PITPNM3: variants seen among roughly 807,000 people sequenced by gnomAD.
PITPNM3 encodes PITPNM family member 3, also known as membrane-associated phosphatidylinositol transfer protein 3.
A neutral mutation model predicts 102.0 loss-of-function variants in PITPNM3; 26 were observed. The observed-to-expected ratio is 0.25, with a 90% CI of 0.19 to 0.35. PITPNM3 has a LOEUF of 0.35. Ranked by LOEUF, PITPNM3 falls within the 10% of genes least tolerant of loss-of-function variation. PITPNM3 has a pLI of 1.00. For synonymous variants in PITPNM3, 578 were observed against 558.6 expected (o/e 1.03, Z -0.49); for missense variants, 1,083 against 1,346.1 (o/e 0.80, Z 3.06).
At position 6,477,198 on chromosome 17, in the gene PITPNM3, C is replaced by A. The variant is rs1905357036; in HGVS notation, c.916G>T (p.Val306Leu). The A allele has an allele frequency of 1.2e-6, 2 of 1,614,016 alleles. No individual in the cohort carries two copies. The highest frequency in any genetic ancestry group is 2.7e-5 in the African/African-American group (2 of 74,926). ...ISSTQDTPVA[V>L]EEDCSLASSK... ...CTGGCCAGGCTGCAATCTTCCTCCACCGCGACTGGGGTGTCCTTTGGGACC... is the reference window on the plus strand; with the variant it reads ...CTGGCCAGGCTGCAATCTTCCTCCAACGCGACTGGGGTGTCCTTTGGGACC... Residue 306 changes from valine to leucine, a missense_variant, in exon 9 of 20, where the codon GTG becomes TTG. By Grantham distance (32) the Val-to-Leu change is conservative (BLOSUM62 1). Coordinates refer to ENST00000262483, the MANE Select transcript of PITPNM3 (RefSeq NM_031220.4).
At chr17:6,463,096 C>T (rs773191742) in intron 17 of PITPNM3, among the ~76,000 whole-genome samples, 20 of 152,232 alleles carry the variant, frequency 1.3e-4, no homozygotes, top group Non-Finnish European at 2.6e-4. Flanking sequence ...CCTGTTCTTA[C>T]GGAGCTGCTG....
intron 1 of PITPNM3, among the ~76,000 whole-genome samples, chr17:6,549,368 C>G (rs1693966459): frequency 6.6e-6 from 1 of 152,246 alleles, no homozygotes; most frequent in Non-Finnish European, 1.5e-5. Context: ...CCAGCCTGGC[C>G]CAATCTGAGC....
At position 6,483,644 on chromosome 17, in the gene PITPNM3, T is replaced by C. The variant is rs973014792; in HGVS notation, c.460A>G (p.Ile154Val). 34 of 1,614,080 alleles carry C rather than the reference T, an allele frequency of 2.1e-5. No homozygotes were observed. Among genetic ancestry groups the C allele is most frequent in the Non-Finnish European group, 2.7e-5 (32 of 1,180,016 alleles). The change falls in exon 6 of 20, where the codon ATC (isoleucine) becomes GTC (valine). Residue 154 changes from isoleucine to valine, a missense_variant. Transcript: ENST00000262483. ...AGDPSCKAADIHTFSSVLEKV... is the reference protein window; with the variant it reads ...AGDPSCKAADVHTFSSVLEKV... ...TCCAGCACGGAGCTGAAGGTGTGGA[T>C]GTCGGCTGCCTTGCAGGACGGGTCC...
chr17:6,464,339 A>G, intron 15 of PITPNM3, 21 bp from the exon 16 acceptor site: 1 of 1,611,918 alleles, frequency 6.2e-7, no homozygotes, highest in Non-Finnish European at 8.5e-7. Flanking sequence ...GAAGGGGGTC[A>G]GGGACTCCCT....
chr17:6,552,069 A>G (rs1430908587), intron 1 of PITPNM3, among the ~76,000 whole-genome samples: 4 of 152,190 alleles, frequency 2.6e-5, no homozygotes, highest in Non-Finnish European at 4.4e-5. Flanking sequence ...CTCCCATCCT[A>G]ACACCGTAGG....
intron 4 of PITPNM3, among the ~76,000 whole-genome samples, chr17:6,497,222 G>A (rs1248336876): frequency 6.6e-6 from 1 of 152,142 alleles, no homozygotes; most frequent in Non-Finnish European, 1.5e-5. Flanking sequence ...TGTCTGTGGT[G>A]GGGGGTCTTC....
intron 17 of PITPNM3, among the ~76,000 whole-genome samples, chr17:6,463,523 A>G (rs1323593044): frequency 7.4e-6 from 1 of 135,954 alleles, no homozygotes; most frequent in East Asian, 2.1e-4. Flanking sequence ...GAGAGGAAGA[A>G]ACAGACAAGC....
rs763422398 is a variant in PITPNM3, at chr17:6,464,799, G to A, written c.1891-28C>T. 5.0e-6 allele frequency: 8 copies of A among 1,609,388 alleles called. No individual in the cohort carries two copies. The South Asian group carries it at 7.7e-5, about 15-fold the overall frequency. On this transcript the variant is annotated intron_variant, in intron 14 of 19. Coordinates refer to ENST00000262483, the MANE Select transcript of PITPNM3 (RefSeq NM_031220.4). Reference sequence around the variant, plus strand: ...GGAAGGACAGAAAGAAGCTGGCTCAGCCCTTGCAAGGGAGGCTCAACCTTG... The same window carrying A: ...GGAAGGACAGAAAGAAGCTGGCTCAACCCTTGCAAGGGAGGCTCAACCTTG...
At chr17:6,499,306 T>C (rs1369539033) in intron 4 of PITPNM3, among the ~76,000 whole-genome samples, 1 of 152,194 alleles carries the variant, frequency 6.6e-6, no homozygotes, top group African/African-American at 2.4e-5. Flanking sequence ...CCTCCCCGCA[T>C]AGCCACTGCA....
chr17:6,485,245 G>A lies in PITPNM3; in HGVS notation c.275-953C>T, dbSNP rs145159978. Among the ~76,000 whole-genome samples the A allele has an allele frequency of 5.8e-3, 871 of 148,998 alleles. 10 individuals are homozygous for A. Among genetic ancestry groups the A allele is most frequent in the African/African-American group, 0.019 (781 of 40,336 alleles). ...GCAATCTCGGCTCACTGCAACCTCCGCTTCCCGGGTTCAAGTGATTCTCCT... is the reference window on the plus strand; with the variant it reads ...GCAATCTCGGCTCACTGCAACCTCCACTTCCCGGGTTCAAGTGATTCTCCT... On this transcript the variant is annotated intron_variant, in intron 4 of 19. Transcript: ENST00000262483.
At chr17:6,525,659 G>C (rs1462565768) in intron 2 of PITPNM3, among the ~76,000 whole-genome samples, 196 bp from the exon 3 acceptor site, 1 of 152,162 alleles carries the variant, frequency 6.6e-6, no homozygotes, top group African/African-American at 2.4e-5. Context: ...AGGTACTGTT[G>C]TACCCTACTG....
intron 17 of PITPNM3, among the ~76,000 whole-genome samples, chr17:6,462,563 A>T (rs1230060063): frequency 6.6e-6 from 1 of 152,212 alleles, no homozygotes; most frequent in African/African-American, 2.4e-5. Context: ...TCCCAAGCAG[A>T]ATCAGCCTCT....
intron 1 of PITPNM3, among the ~76,000 whole-genome samples, chr17:6,538,463 G>A (rs1004830018): frequency 4.6e-5 from 7 of 152,152 alleles, no homozygotes; most frequent in South Asian, 2.1e-4. Context: ...TCACATACAG[G>A]TTGGAAGGGA....
chr17:6,469,679 A>G lies in PITPNM3; in HGVS notation c.1773+581T>C, dbSNP rs547875771. 5.9e-5 allele frequency among the ~76,000 whole-genome samples: 9 copies of G among 152,304 alleles called. No homozygotes were observed. In the South Asian group the frequency reaches 1.9e-3, roughly 32 times the overall value. Reference sequence around the variant, plus strand: ...CTGCACTGGCCTCACAAGAGGCCTCATGGTTCCTCTCCTGCCGTGAAAACA... The same window carrying G: ...CTGCACTGGCCTCACAAGAGGCCTCGTGGTTCCTCTCCTGCCGTGAAAACA... On this transcript the variant is annotated intron_variant, in intron 13 of 19. Coordinates refer to ENST00000262483, the MANE Select transcript of PITPNM3 (RefSeq NM_031220.4). The surrounding 1 kb of genome is among the most constrained non-coding windows in gnomAD (Gnocchi z 4.0).
intron 4 of PITPNM3, among the ~76,000 whole-genome samples, chr17:6,503,048 T>A (rs1907277306): frequency 2.0e-5 from 3 of 152,098 alleles, no homozygotes; most frequent in Admixed American, 2.0e-4. Flanking sequence ...CCCGGGCACA[T>A]CCAGGAATGA....
At chr17:6,483,841 A>G in intron 5 of PITPNM3, 89 bp from the exon 6 acceptor site, 1 of 1,042,740 alleles carries the variant, frequency 9.6e-7, no homozygotes. Context: ...GTGCGCATAC[A>G]CACACACTCA....
In PITPNM3 at chr17:6,451,890, G is replaced by GC. The variant is rs1555549918; in HGVS notation, c.*3447dup. ...GCACCCAAACCCCCCCCCCCCGCCC[G>GC]CCGATGGGATTCGGTGGGAAAGTTG... On this transcript the variant is annotated 3_prime_UTR_variant, in exon 20 of 20. Coordinates refer to ENST00000262483, the MANE Select transcript of PITPNM3 (RefSeq NM_031220.4). 6.6e-5 allele frequency: 2 copies of GC among 30,136 alleles called. No individual in the cohort carries two copies. Among genetic ancestry groups the GC allele is most frequent in the African/African-American group, 1.4e-4 (1 of 7,326 alleles). 1.9% of individuals were successfully genotyped at this position (30,136 alleles called of 1,614,324 possible).
At chr17:6,473,262 T>C (rs1905146174) in intron 10 of PITPNM3, 2 of 261,052 alleles carry the variant, frequency 7.7e-6, no homozygotes, top group Non-Finnish European at 1.5e-5. Context: ...AAACACTCAG[T>C]TCCCAGGCCT....
intron 19 of PITPNM3, among the ~76,000 whole-genome samples, chr17:6,455,877 C>T (rs920790979): frequency 2.0e-5 from 3 of 151,494 alleles, no homozygotes; most frequent in Non-Finnish European, 4.4e-5. Flanking sequence ...ACGGAGGCAC[C>T]TCCAGCTTCT....
Sources: allele counts gnomAD v4.1 joint callset (sites outside exome capture counted in the v4.1 genomes callset), GRCh38; gene constraint gnomAD v4.1.1; non-coding constraint Gnocchi (gnomAD v3.1); transcripts MANE v1.5; gene names NCBI Gene and HGNC (gene_info 2026-07-23, HGNC 2026-07-21).